Variants in PARVA observed in about 807,000 individuals in gnomAD.
PARVA encodes the protein parvin alpha.
In PARVA, 25 loss-of-function variants were observed where a neutral mutation model predicts 52.6. The observed-to-expected ratio is 0.48, with a 90% CI of 0.35 to 0.66. The LOEUF (loss-of-function observed/expected upper bound fraction) is 0.66. Among genes scored for constraint, PARVA ranks in the 30% least tolerant of loss-of-function variants. PARVA has a pLI of 0.01. For missense variants in PARVA, 373 were observed against 450.9 expected (o/e 0.83, Z 1.56); for synonymous variants, 185 against 179.1 (o/e 1.03, Z -0.26).
At chr11:12,396,069 A>G (rs1399156461) in intron 1 of PARVA, among the ~76,000 whole-genome samples, 1 of 152,190 alleles carries the variant, frequency 6.6e-6, no homozygotes, top group African/African-American at 2.4e-5. Flanking sequence ...CATATATTAT[A>G]TCACATTTAA....
intron 1 of PARVA, among the ~76,000 whole-genome samples, chr11:12,444,916 G>A (rs1441225043): frequency 6.6e-6 from 1 of 152,164 alleles, no homozygotes; most frequent in African/African-American, 2.4e-5. Context: ...TATCTGGAGT[G>A]TAGCAATTCT....
chr11:12,421,050 G>A (rs10500757), intron 1 of PARVA, among the ~76,000 whole-genome samples: 71,787 of 147,174 alleles, frequency 0.49, 18,538 homozygotes, highest in South Asian at 0.73. Context: ...ATCAGTACCG[G>A]CTCTAAAGGT....
In PARVA at chr11:12,380,726, C is replaced by T. The variant is rs954982880; in HGVS notation, c.136+2943C>T. 5.9e-5 allele frequency among the ~76,000 whole-genome samples: 9 copies of T among 151,620 alleles called. 1 individual carries two copies. The highest frequency in any genetic ancestry group is 2.2e-4 in the African/African-American group (9 of 41,002). On this transcript the variant is annotated intron_variant, in intron 1 of 12. Transcript: ENST00000334956. ...TAGTACAGTTGTAGTGCAAGCCAGC[C>T]ACCCCAGATTAGGACTGTCATCTCC...
At chr11:12,456,664 G>A (rs1940701801) in intron 1 of PARVA, among the ~76,000 whole-genome samples, 1 of 151,982 alleles carries the variant, frequency 6.6e-6, no homozygotes, top group Non-Finnish European at 1.5e-5. Context: ...CATGTCTCCA[G>A]CCCTTTTGTA....
intron 1 of PARVA, among the ~76,000 whole-genome samples, chr11:12,396,580 T>C (rs942630749): frequency 1.3e-5 from 2 of 152,220 alleles, no homozygotes; most frequent in Admixed American, 6.5e-5. Context: ...ATGAAAGGAA[T>C]TGATACTTGT....
intron 1 of PARVA, among the ~76,000 whole-genome samples, chr11:12,392,451 T>G (rs902946508): frequency 2.6e-5 from 4 of 152,114 alleles, no homozygotes; most frequent in Non-Finnish European, 5.9e-5. Flanking sequence ...GTATTTTTAG[T>G]AGAGACGGGG....
At chr11:12,443,817 T>G (rs1181991625) in intron 1 of PARVA, among the ~76,000 whole-genome samples, 1 of 152,178 alleles carries the variant, frequency 6.6e-6, no homozygotes, top group East Asian at 1.9e-4. Flanking sequence ...CTGAAGACTT[T>G]GCTTCTGGGC....
intron 1 of PARVA, among the ~76,000 whole-genome samples, chr11:12,433,485 A>C (rs972020677): frequency 1.3e-5 from 2 of 152,186 alleles, no homozygotes; most frequent in Non-Finnish European, 2.9e-5. Flanking sequence ...GGTTGTGTGG[A>C]AGGTTTGTTC....
At chr11:12,380,760 A>G (rs1461337125) in intron 1 of PARVA, among the ~76,000 whole-genome samples, 21 of 152,018 alleles carry the variant, frequency 1.4e-4, no homozygotes, top group Non-Finnish European at 2.9e-5. Context: ...CCCTTATTCT[A>G]GCACAGACAC....
intron 1 of PARVA, among the ~76,000 whole-genome samples, chr11:12,468,481 G>C (rs1007658885): frequency 1.3e-5 from 2 of 152,082 alleles, no homozygotes; most frequent in Admixed American, 6.5e-5. Flanking sequence ...CAAAAATCAG[G>C]GGGAAATTAC....
chr11:12,529,477 T>C lies in PARVA; in HGVS notation c.*1552T>C, dbSNP rs948965923. On this transcript the variant is annotated 3_prime_UTR_variant, in exon 13 of 13. Coordinates refer to ENST00000334956, the MANE Select transcript of PARVA (RefSeq NM_018222.5). ...GGCTAAATAATCAATTGTGCTGATA[T>C]TACATCTCGTTATGGAATGTTCCTA... 1 of 152,184 alleles carries C rather than the reference T, an allele frequency of 6.6e-6. No homozygotes were observed. The highest frequency in any genetic ancestry group is 1.5e-5 in the Non-Finnish European group (1 of 68,046). 9.4% of individuals were successfully genotyped at this position (152,184 alleles called of 1,614,324 possible).
At chr11:12,474,186 G>A (rs1468617858) in intron 3 of PARVA, among the ~76,000 whole-genome samples, 1 of 152,126 alleles carries the variant, frequency 6.6e-6, no homozygotes, top group African/African-American at 2.4e-5. Flanking sequence ...CAAATGCCCA[G>A]TGAGTGGTGC....
chr11:12,458,422 A>G (rs1338970106), intron 1 of PARVA, among the ~76,000 whole-genome samples: 1 of 152,216 alleles, frequency 6.6e-6, no homozygotes, highest in Non-Finnish European at 1.5e-5. Flanking sequence ...TGGGCTTGCC[A>G]TAGAGTTGGG....
intron 10 of PARVA, 41 bp downstream of exon 10, chr11:12,514,106 C>G: frequency 6.7e-6 from 10 of 1,502,912 alleles, no homozygotes; most frequent in Non-Finnish European, 9.3e-6. Flanking sequence ...CAGGGCCCTG[C>G]CCTACAGCCC....
chr11:12,469,031 T>C (rs149418942), intron 1 of PARVA, among the ~76,000 whole-genome samples: 1 of 152,228 alleles, frequency 6.6e-6, no homozygotes, highest in Non-Finnish European at 1.5e-5. Flanking sequence ...GGGAGGGGTG[T>C]ATACTGGAAC....
chr11:12,521,689 A>G (rs1000515795), intron 12 of PARVA, among the ~76,000 whole-genome samples: 6 of 152,128 alleles, frequency 3.9e-5, no homozygotes, highest in Admixed American at 1.3e-4. Context: ...GGTGGTCCCA[A>G]TGTCATCACA....
intron 1 of PARVA, among the ~76,000 whole-genome samples, chr11:12,392,314 G>C (rs1939670916): frequency 6.7e-6 from 1 of 149,532 alleles, no homozygotes; most frequent in Admixed American, 6.7e-5. Flanking sequence ...TGTCACTCAG[G>C]CTGGAGTGCA....
At position 12,511,550 on chromosome 11, in the gene PARVA, T is replaced by A. The variant is rs753014880; in HGVS notation, c.736+17T>A. ...GGAGGCATGGTAAGTCACATAAGAT[T>A]GTCCTCTGGCACTGGTGGCTGCACT... On this transcript the variant is annotated intron_variant, in intron 8 of 12. Transcript: ENST00000334956. 2.5e-6 allele frequency: 4 copies of A among 1,613,130 alleles called. No homozygotes were observed. Among genetic ancestry groups the A allele is most frequent in the Non-Finnish European group, 1.7e-6 (2 of 1,179,448 alleles).
intron 1 of PARVA, among the ~76,000 whole-genome samples, chr11:12,432,454 T>A (rs1462065983): frequency 6.6e-6 from 1 of 152,242 alleles, no homozygotes; most frequent in Admixed American, 6.5e-5. Flanking sequence ...TTAACTTGCC[T>A]TGAAAGAGAT....
Sources: gnomAD v4.1 joint callset for allele counts (sites outside exome capture counted in the v4.1 genomes callset) on GRCh38, gnomAD v4.1.1 for gene constraint, MANE v1.5 for transcripts, NCBI Gene and HGNC (gene_info 2026-07-23, HGNC 2026-07-21) for gene names.